ZNF385D: variants seen among roughly 807,000 people sequenced by gnomAD.
The protein encoded by ZNF385D is zinc finger protein 659.
In ZNF385D, 15 loss-of-function variants were observed where a neutral mutation model predicts 35.8. The ratio of observed to expected loss-of-function variants is 0.42; its 90% CI spans 0.28 to 0.64. The LOEUF is 0.64. ZNF385D is among the 30% of genes least tolerant of loss of function. ZNF385D has a pLI of 0.23. For synonymous variants in ZNF385D, 212 were observed against 186.8 expected (o/e 1.13, Z -1.10); for missense variants, 474 against 494.6 (o/e 0.96, Z 0.39).
At chr3:21,708,861 G>GCGCA (rs1553641604) in intron 1 of ZNF385D, among the ~76,000 whole-genome samples, 28 of 148,274 alleles carry the variant, frequency 1.9e-4, no homozygotes, top group African/African-American at 6.4e-4. Context: ...GTGTGGGCGT[G>GCGCA]CACACACACA....
chr3:21,935,768 C>T (rs963620686), intron 3 of ZNF385D, among the ~76,000 whole-genome samples: 1 of 151,972 alleles, frequency 6.6e-6, no homozygotes, highest in Non-Finnish European at 1.5e-5. Flanking sequence ...TGAAACTAAA[C>T]TTTACTTTGC....
intron 2 of ZNF385D, among the ~76,000 whole-genome samples, chr3:22,219,822 G>A (rs1047242770): frequency 2.0e-5 from 3 of 152,096 alleles, no homozygotes; most frequent in Non-Finnish European, 2.9e-5. Flanking sequence ...GTGAGTTTGG[G>A]TAACTGGTGA....
At chr3:22,286,044 G>A (rs554016315) in intron 2 of ZNF385D, among the ~76,000 whole-genome samples, 1 of 151,990 alleles carries the variant, frequency 6.6e-6, no homozygotes, top group Non-Finnish European at 1.5e-5. Flanking sequence ...AAGACACACA[G>A]GAAAGGTTTA....
chr3:22,161,567 C>A (rs925835027), intron 3 of ZNF385D, among the ~76,000 whole-genome samples: 1 of 152,068 alleles, frequency 6.6e-6, no homozygotes, highest in Non-Finnish European at 1.5e-5. Context: ...AAAGTCAACA[C>A]ATTTAGTCAA....
intron 2 of ZNF385D, among the ~76,000 whole-genome samples, chr3:22,199,591 G>A (rs183621582): frequency 2.2e-4 from 33 of 152,140 alleles, no homozygotes; most frequent in South Asian, 6.2e-4. Flanking sequence ...GAAGAGAAGT[G>A]GCACATACGG....
intron 3 of ZNF385D, among the ~76,000 whole-genome samples, chr3:22,158,869 A>T (rs1004024850): frequency 6.6e-6 from 1 of 152,072 alleles, no homozygotes; most frequent in Non-Finnish European, 1.5e-5. Context: ...ATTCATGCAT[A>T]CAAGAATCTC....
intron 2 of ZNF385D, among the ~76,000 whole-genome samples, chr3:22,189,892 C>A (rs1054345510): frequency 6.6e-6 from 1 of 152,072 alleles, no homozygotes; most frequent in Non-Finnish European, 1.5e-5. Context: ...GCATTTCCTT[C>A]CAAATGATAT....
chr3:21,542,634 C>A (rs1385819447), intron 3 of ZNF385D, among the ~76,000 whole-genome samples: 2 of 152,078 alleles, frequency 1.3e-5, no homozygotes, highest in African/African-American at 2.4e-5. Flanking sequence ...AGGTGTGTGC[C>A]ACTGAAACAG....
chr3:22,105,761 CATCTGCTTTA>C (rs1702179730), intron 3 of ZNF385D, among the ~76,000 whole-genome samples: 5 of 152,214 alleles, frequency 3.3e-5, no homozygotes, highest in African/African-American at 1.2e-4. Flanking sequence ...TGGGGAGGGC[CATCTGCTTTA>C]CTCAGTCCAA....
intron 3 of ZNF385D, among the ~76,000 whole-genome samples, chr3:21,966,895 C>G (rs558476644): frequency 6.6e-6 from 1 of 152,164 alleles, no homozygotes; most frequent in Non-Finnish European, 1.5e-5. Context: ...TGAGCCACAG[C>G]CCCTGGCCTA....
chr3:21,552,218 A>G (rs2062591404), intron 3 of ZNF385D, among the ~76,000 whole-genome samples: 1 of 152,220 alleles, frequency 6.6e-6, no homozygotes, highest in Non-Finnish European at 1.5e-5. Context: ...TGAGTTTAAA[A>G]TGATCTAATA....
intron 1 of ZNF385D, among the ~76,000 whole-genome samples, chr3:21,718,774 C>T (rs2068424144): frequency 6.6e-6 from 1 of 152,150 alleles, no homozygotes. Flanking sequence ...GGTTCTCAAC[C>T]TGAATGGAGA....
At chr3:21,604,117 T>C (rs1259249371) in intron 2 of ZNF385D, among the ~76,000 whole-genome samples, 2 of 152,180 alleles carry the variant, frequency 1.3e-5, no homozygotes, top group Admixed American at 6.5e-5. Flanking sequence ...ACACTTTCAC[T>C]ACATAAAAAC....
intron 2 of ZNF385D, among the ~76,000 whole-genome samples, chr3:22,210,844 A>G (rs901227243): frequency 2.6e-5 from 4 of 152,064 alleles, no homozygotes; most frequent in African/African-American, 9.6e-5. Context: ...CTCTAAGTCA[A>G]TGCACTGAAT....
At chr3:21,857,439 T>C (rs9838038) in intron 3 of ZNF385D, among the ~76,000 whole-genome samples, 37,686 of 151,894 alleles carry the variant, frequency 0.25, 4,990 homozygotes, top group Admixed American at 0.3. Flanking sequence ...AGATTTTTTG[T>C]TGTTGTTGCT....
At chr3:21,547,148 C>G (rs1407304294) in intron 3 of ZNF385D, among the ~76,000 whole-genome samples, 1 of 152,102 alleles carries the variant, frequency 6.6e-6, no homozygotes, top group Non-Finnish European at 1.5e-5. Context: ...AATTGTGTCT[C>G]TGTACTATGG....
intron 3 of ZNF385D, among the ~76,000 whole-genome samples, chr3:22,047,815 A>G (rs1278774900): frequency 6.6e-6 from 1 of 152,146 alleles, no homozygotes; most frequent in East Asian, 1.9e-4. Flanking sequence ...TTTTTGAGGA[A>G]TTTTCATACT....
intron 2 of ZNF385D, among the ~76,000 whole-genome samples, chr3:22,258,219 C>A (rs1256499754): frequency 6.6e-6 from 1 of 151,684 alleles, no homozygotes; most frequent in Non-Finnish European, 1.5e-5. Flanking sequence ...TTTGCAAGGA[C>A]TGGAGTCTAA....
chr3:21,659,089 CTCT>C (rs999654829), intron 2 of ZNF385D, among the ~76,000 whole-genome samples: 3 of 151,972 alleles, frequency 2.0e-5, no homozygotes, highest in Non-Finnish European at 4.4e-5. Flanking sequence ...CCTGCTTCTT[CTCT>C]TCTTCTTTCT....
Sources: gnomAD v4.1 joint callset for allele counts (sites outside exome capture counted in the v4.1 genomes callset) on GRCh38, gnomAD v4.1.1 for gene constraint, MANE v1.5 for transcripts, NCBI Gene and HGNC (gene_info 2026-07-23, HGNC 2026-07-21) for gene names.